IGF2BP3: variants seen among roughly 807,000 people sequenced by gnomAD.
IGF2BP3 encodes the protein insulin-like growth factor 2 mRNA-binding protein 3.
Under a neutral mutation model 73.8 loss-of-function variants are expected in IGF2BP3, and 9 were observed. The observed-to-expected ratio is 0.12, with a 90% CI of 0.07 to 0.21. The LOEUF (loss-of-function observed/expected upper bound fraction) is 0.21, where lower values mean the gene tolerates loss of function less well. IGF2BP3 is among the 10% of genes least tolerant of loss of function. IGF2BP3 has a pLI of 1.00. For synonymous variants in IGF2BP3, 258 were observed against 256.7 expected (o/e 1.01, Z -0.05); for missense variants, 542 against 714.0 (o/e 0.76, Z 2.75).
intron 3 of IGF2BP3, among the ~76,000 whole-genome samples, chr7:23,409,308 T>C (rs1562734768): frequency 6.6e-6 from 1 of 152,210 alleles, no homozygotes; most frequent in Non-Finnish European, 1.5e-5. Flanking sequence ...GACAACTTAG[T>C]AAAGTTGATA....
At chr7:23,449,361 C>CA (rs1216029314) in intron 2 of IGF2BP3, among the ~76,000 whole-genome samples, 10 of 151,528 alleles carry the variant, frequency 6.6e-5, no homozygotes. Flanking sequence ...ACTAAAAATA[C>CA]AAAAAATTAG....
At chr7:23,321,799 C>T (rs1215456785) in intron 10 of IGF2BP3, among the ~76,000 whole-genome samples, 1 of 152,198 alleles carries the variant, frequency 6.6e-6, no homozygotes, top group East Asian at 1.9e-4. Context: ...GGAGGCACCC[C>T]CCAGCAGGGG....
intron 5 of IGF2BP3, among the ~76,000 whole-genome samples, chr7:23,352,285 T>A (rs1228284478): frequency 2.4e-5 from 3 of 125,878 alleles, no homozygotes; most frequent in African/African-American, 3.4e-5. Flanking sequence ...TTCATTTTTT[T>A]TTTTTTTTTT....
chr7:23,415,221 G>C (rs1282483970), intron 3 of IGF2BP3: 1 of 220,904 alleles, frequency 4.5e-6, no homozygotes, highest in Non-Finnish European at 9.0e-6. Context: ...TCCGTCAGTC[G>C]GCATCAACGC....
chr7:23,362,207 T>C (rs1785246131), intron 3 of IGF2BP3, among the ~76,000 whole-genome samples: 1 of 151,626 alleles, frequency 6.6e-6, no homozygotes, highest in Admixed American at 6.6e-5. Context: ...AGGCCAGGAG[T>C]TCGAGACCAG....
chr7:23,376,469 A>G (rs1045636319), intron 3 of IGF2BP3, among the ~76,000 whole-genome samples: 1 of 151,082 alleles, frequency 6.6e-6, no homozygotes, highest in African/African-American at 2.4e-5. Flanking sequence ...GGGAAAGCAA[A>G]ACTTGCAGTG....
chr7:23,396,504 T>C, intron 3 of IGF2BP3: 1 of 174,188 alleles, frequency 5.7e-6, no homozygotes, highest in Middle Eastern at 2.6e-3. Context: ...GCAATAAACC[T>C]AGTTTTCTGA....
intron 2 of IGF2BP3, among the ~76,000 whole-genome samples, chr7:23,444,408 T>G (rs1788007233): frequency 6.6e-6 from 1 of 152,270 alleles, no homozygotes; most frequent in East Asian, 1.9e-4. Flanking sequence ...ATCACTTTAC[T>G]GCAATTATTC....
intron 14 of IGF2BP3, 80 bp from the exon 15 acceptor site, chr7:23,312,540 C>T: frequency 9.2e-7 from 1 of 1,083,714 alleles, no homozygotes. Flanking sequence ...TCAACAATTT[C>T]AAATAGAAAT....
intron 5 of IGF2BP3, among the ~76,000 whole-genome samples, chr7:23,354,084 C>A (rs2128505745): frequency 6.6e-6 from 1 of 152,346 alleles, no homozygotes; most frequent in South Asian, 2.1e-4. Flanking sequence ...ACCTCCACCT[C>A]CTGGTTTCAA....
At chr7:23,433,686 T>C (rs184205357) in intron 2 of IGF2BP3, among the ~76,000 whole-genome samples, 158 of 152,182 alleles carry the variant, frequency 1.0e-3, no homozygotes, top group Non-Finnish European at 2.0e-3. Context: ...TAAAATCATA[T>C]ATATTTAGTT....
At chr7:23,468,419 T>C (rs921773354) in intron 2 of IGF2BP3, 63 bp downstream of exon 2, 1 of 1,543,814 alleles carries the variant, frequency 6.5e-7, no homozygotes, top group Non-Finnish European at 9.0e-7. Context: ...AGTTCTCAGC[T>C]GAGTCTCTCC....
intron 10 of IGF2BP3, among the ~76,000 whole-genome samples, chr7:23,329,497 G>A (rs917159629): frequency 3.3e-5 from 5 of 152,128 alleles, no homozygotes; most frequent in African/African-American, 1.2e-4. Flanking sequence ...AGTCAAAAGG[G>A]CCTGAACATT....
chr7:23,429,000 G>C (rs183132357), intron 2 of IGF2BP3, among the ~76,000 whole-genome samples: 29 of 152,176 alleles, frequency 1.9e-4, no homozygotes, highest in African/African-American at 7.0e-4. Context: ...GTTATGACGT[G>C]ATATTCTAGG....
At chr7:23,462,773 G>A (rs757697274) in intron 2 of IGF2BP3, among the ~76,000 whole-genome samples, 1 of 152,144 alleles carries the variant, frequency 6.6e-6, no homozygotes, top group East Asian at 1.9e-4. Flanking sequence ...CCCCTTCAGG[G>A]CAACAAAATT....
At chr7:23,425,376 TATATA>T (rs1787479285) in intron 2 of IGF2BP3, among the ~76,000 whole-genome samples, 1 of 150,546 alleles carries the variant, frequency 6.6e-6, no homozygotes, top group South Asian at 2.1e-4. Flanking sequence ...TAGAATTAGA[TATATA>T]ATAATGTATT....
intron 6 of IGF2BP3, among the ~76,000 whole-genome samples, chr7:23,350,172 G>A (rs1784924393): frequency 6.6e-6 from 1 of 152,182 alleles, no homozygotes; most frequent in Admixed American, 6.6e-5. Context: ...CAGGCATGGT[G>A]CCTATGATGA....
rs1327285637 is a variant in IGF2BP3, at chr7:23,343,770, T to A, written c.1025A>T (p.Glu342Val). ...NVETCAKAEE[E>V]IMKKIRESYE... is the part of the protein sequence containing the mutation. ...AGACTCCCTGATTTTCTTCATGATC[T>A]CCTCCTCAGCTTTGGCACATGTCTC... The change falls in exon 9 of 15, where the codon GAG becomes GTG. Residue 342 changes from glutamate to valine, a missense_variant. This residue lies in a region of IGF2BP3 where 303 missense variants were observed against 472.1 expected (regional missense o/e 0.64). Transcript: ENST00000258729. 14 of 1,612,836 alleles carry A rather than the reference T, an allele frequency of 8.7e-6. No individual in the cohort carries two copies. The highest frequency in any genetic ancestry group is 1.2e-5 in the Non-Finnish European group (14 of 1,179,578).
intron 2 of IGF2BP3, among the ~76,000 whole-genome samples, chr7:23,455,811 G>A (rs1788304231): frequency 5.3e-5 from 8 of 152,104 alleles, no homozygotes; most frequent in Admixed American, 5.2e-4. Context: ...TCAGCCTCCT[G>A]AGTAACTGGG....
Sources: gnomAD v4.1 joint callset for allele counts (sites outside exome capture counted in the v4.1 genomes callset) on GRCh38, gnomAD v4.1.1 for gene constraint, gnomAD v4.1.1 regional missense constraint, MANE v1.5 for transcripts, NCBI Gene and HGNC (gene_info 2026-07-23, HGNC 2026-07-21) for gene names.